The following PCDH7 variants were observed in gnomAD, a reference collection of about 807,000 sequenced individuals.
PCDH7 encodes the protein protocadherin 7, also known as protocadherin-7.
Under a neutral mutation model 58.9 loss-of-function variants are expected in PCDH7, and 17 were observed. That is an observed-to-expected ratio of 0.29 (90% CI 0.20 to 0.43). The LOEUF is 0.43. PCDH7 is among the 20% of genes least tolerant of loss of function. The pLI is 1.00. For synonymous variants in PCDH7, 664 were observed against 616.4 expected (o/e 1.08, Z -1.14); for missense variants, 1,274 against 1,441.0 (o/e 0.88, Z 1.88).
chr4:30,938,330 A>T (rs529250328), intron 2 of PCDH7, among the ~76,000 whole-genome samples: 2 of 152,210 alleles, frequency 1.3e-5, no homozygotes, highest in South Asian at 4.1e-4. Context: ...CTTGTACGTG[A>T]TATGCATTTC....
intron 3 of PCDH7, among the ~76,000 whole-genome samples, chr4:30,978,748 T>G (rs1236712276): frequency 6.6e-6 from 1 of 152,170 alleles, no homozygotes; most frequent in Admixed American, 6.5e-5. Flanking sequence ...TTTGTTTTAG[T>G]AATATCTGTA....
chr4:31,019,289 G>C (rs1753841868), intron 3 of PCDH7, among the ~76,000 whole-genome samples: 1 of 151,924 alleles, frequency 6.6e-6, no homozygotes, highest in South Asian at 2.1e-4. Flanking sequence ...ATTAACATAA[G>C]AGCTTTTCAA....
intron 1 of PCDH7, among the ~76,000 whole-genome samples, chr4:30,884,022 A>G (rs950908685): frequency 6.6e-6 from 1 of 152,162 alleles, no homozygotes; most frequent in Non-Finnish European, 1.5e-5. Flanking sequence ...GCAAGAGGAA[A>G]AGTACTTTTT....
intron 3 of PCDH7, among the ~76,000 whole-genome samples, chr4:30,968,319 C>CACACACACACTA (rs369540529): frequency 4.8e-5 from 4 of 82,586 alleles, no homozygotes; most frequent in African/African-American, 2.4e-4. Flanking sequence ...TATATATACA[C>CACACACACACTA]TATATATATA....
chr4:30,821,972 G>A (rs543479482), intron 1 of PCDH7, among the ~76,000 whole-genome samples: 66 of 152,190 alleles, frequency 4.3e-4, no homozygotes, highest in Admixed American at 3.9e-3. Context: ...TTTTATTAAC[G>A]GTTGAATTAA....
intron 3 of PCDH7, among the ~76,000 whole-genome samples, chr4:30,994,925 A>G (rs1011041607): frequency 1.3e-5 from 2 of 152,188 alleles, no homozygotes; most frequent in Non-Finnish European, 2.9e-5. Context: ...GGCTAGTCAA[A>G]ATTGAGATGT....
At chr4:30,946,617 T>C (rs1193872106) in intron 2 of PCDH7, among the ~76,000 whole-genome samples, 1 of 152,056 alleles carries the variant, frequency 6.6e-6, no homozygotes, top group Non-Finnish European at 1.5e-5. Flanking sequence ...CTCTCTCTTG[T>C]GAATAACATT....
At chr4:31,095,230 G>T (rs529635864) in intron 3 of PCDH7, among the ~76,000 whole-genome samples, 113 of 151,820 alleles carry the variant, frequency 7.4e-4, no homozygotes, top group Non-Finnish European at 1.5e-3. Context: ...GGTAGATTTT[G>T]TAACTAGCTT....
intron 1 of PCDH7, among the ~76,000 whole-genome samples, chr4:30,750,288 C>A (rs897000984): frequency 6.6e-6 from 1 of 152,124 alleles, no homozygotes; most frequent in Non-Finnish European, 1.5e-5. Context: ...TCTTTTCTCT[C>A]TTTTTAGTAT....
Position 30,947,864 on chromosome 4 carries a change from C to T in PCDH7, c.288-2256C>T, listed in dbSNP as rs73214951. 9.1e-3 allele frequency among the ~76,000 whole-genome samples: 1,391 copies of T among 152,180 alleles called. 7 individuals are homozygous for T. Among genetic ancestry groups the T allele is most frequent in the Non-Finnish European group, 0.016 (1,057 of 67,982 alleles). On this transcript the variant is annotated intron_variant, in intron 2 of 3. Coordinates refer to the PCDH7 transcript ENST00000509759. Reference sequence around the variant, plus strand: ...AATTTTTTCCTATCCCCTCCTCTGCCTACCCTTCCCAACCTCTAGTATCCT... The same window carrying T: ...AATTTTTTCCTATCCCCTCCTCTGCTTACCCTTCCCAACCTCTAGTATCCT...
In PCDH7 at chr4:30,721,455, C is replaced by T; in HGVS notation, c.33C>T (p.Arg11=). ...GGATGCGGACCGCGGGATGGGCGCG[C>T]GGCTGGTGCTTGGGCTGCTGCCTCC... Residue 11 remains arginine, a synonymous_variant, in exon 1 of 2, where the codon CGC becomes CGT. Transcript: ENST00000361762. The surrounding 1 kb of genome is among the most constrained non-coding windows in gnomAD (Gnocchi z 6.7). The T allele has an allele frequency of 3.9e-6, 6 of 1,550,316 alleles. No homozygotes were observed. Among genetic ancestry groups the T allele is most frequent in the Middle Eastern group, 1.7e-4 (1 of 5,816 alleles).
intron 1 of PCDH7, among the ~76,000 whole-genome samples, chr4:30,774,977 G>C (rs1167324088): frequency 2.0e-5 from 3 of 152,124 alleles, no homozygotes; most frequent in East Asian, 1.9e-4. Context: ...TAACAGCTTT[G>C]ACTCCTTCTT....
rs543748118 is a variant in PCDH7 at position 31,130,213 on chromosome 4, G to T, written c.*8-12260G>T. 8.1e-4 allele frequency among the ~76,000 whole-genome samples: 123 copies of T among 152,146 alleles called. 1 individual carries two copies. Among genetic ancestry groups the T allele is most frequent in the African/African-American group, 2.8e-3 (115 of 41,508 alleles). On this transcript the variant is annotated intron_variant, in intron 3 of 3. Coordinates refer to the PCDH7 transcript ENST00000509759. ...AGTGCCAGAGGCAGCTATCACTAAGGGGTAGAGAAAGGAAAATATGATCAC... is the reference window on the plus strand; with the variant it reads ...AGTGCCAGAGGCAGCTATCACTAAGTGGTAGAGAAAGGAAAATATGATCAC...
At position 30,723,775 on chromosome 4, in the gene PCDH7, G is replaced by A; in HGVS notation, c.2353G>A (p.Gly785Arg). The change falls in exon 1 of 2, where the codon GGA becomes AGA. Residue 785 changes from glycine to arginine, a missense_variant. Physicochemically the swap from Gly to Arg is moderately radical, Grantham distance 125. This residue lies in a region of PCDH7 where 731 missense variants were observed against 881.9 expected (regional missense o/e 0.83). Coordinates refer to ENST00000361762, the Ensembl canonical transcript of PCDH7. The surrounding 1 kb of genome is among the most constrained non-coding windows in gnomAD (Gnocchi z 4.6). ...TGCAGACCTGAACTACAGCATTGTGGGAGGAAATCCCTTCAAGCTGTTTGA... is the reference window on the plus strand; with the variant it reads ...TGCAGACCTGAACTACAGCATTGTGAGAGGAAATCCCTTCAAGCTGTTTGA... 6.2e-7 allele frequency: 1 copy of A among 1,614,146 alleles called. No homozygotes were observed. Among genetic ancestry groups the A allele is most frequent in the South Asian group, 1.1e-5 (1 of 91,080 alleles).
chr4:31,107,643 C>G (rs1715743474), intron 3 of PCDH7, among the ~76,000 whole-genome samples: 1 of 152,100 alleles, frequency 6.6e-6, no homozygotes, highest in Non-Finnish European at 1.5e-5. Flanking sequence ...TTCTTTGCTT[C>G]AGTTTCACTT....
chr4:31,122,096 A>G (rs1379108626), intron 3 of PCDH7, among the ~76,000 whole-genome samples: 1 of 152,128 alleles, frequency 6.6e-6, no homozygotes, highest in Non-Finnish European at 1.5e-5. Context: ...ACACACCGTG[A>G]GCAGCATATT....
chr4:30,762,569 T>G (rs2109270080), intron 1 of PCDH7, among the ~76,000 whole-genome samples: 1 of 152,354 alleles, frequency 6.6e-6, no homozygotes, highest in South Asian at 2.1e-4. Context: ...CCTTTGCTTT[T>G]AATATTGCTG....
At chr4:30,952,547 CAT>C (rs1424904179) in intron 3 of PCDH7, among the ~76,000 whole-genome samples, 6 of 151,756 alleles carry the variant, frequency 4.0e-5, no homozygotes, top group African/African-American at 1.2e-4. Flanking sequence ...ATGAAGGAAA[CAT>C]GTCATTAAAA....
chr4:30,995,260 G>A (rs1751786949), intron 3 of PCDH7, among the ~76,000 whole-genome samples: 1 of 152,158 alleles, frequency 6.6e-6, no homozygotes, highest in Non-Finnish European at 1.5e-5. Flanking sequence ...GCTCATGCCT[G>A]TAATCCCAGC....
Sources: gnomAD v4.1 joint callset for allele counts (sites outside exome capture counted in the v4.1 genomes callset) on GRCh38, gnomAD v4.1.1 for gene constraint, gnomAD v4.1.1 regional missense constraint, Gnocchi (gnomAD v3.1) non-coding constraint, MANE v1.5 for transcripts, NCBI Gene and HGNC (gene_info 2026-07-23, HGNC 2026-07-21) for gene names.